MBNL1: variants seen among roughly 807,000 people sequenced by gnomAD.
MBNL1 encodes the protein muscleblind-like protein 1.
In MBNL1, 8 loss-of-function variants were observed where a neutral mutation model predicts 42.2. The ratio of observed to expected loss-of-function variants is 0.19; its 90% CI spans 0.11 to 0.34. MBNL1 has a LOEUF of 0.34. MBNL1 is among the 10% of genes least tolerant of loss of function. The probability of loss-of-function intolerance (pLI) is 1.00; values close to 1 mark genes in which losing one functional copy is unlikely to be tolerated. For synonymous variants in MBNL1, 169 were observed against 173.9 expected (o/e 0.97, Z 0.22); for missense variants, 309 against 495.3 (o/e 0.62, Z 3.57).
chr3:152,423,229 A>G (rs1211732728), intron 3 of MBNL1, among the ~76,000 whole-genome samples: 3 of 152,184 alleles, frequency 2.0e-5, no homozygotes, highest in Non-Finnish European at 2.9e-5. Flanking sequence ...AATAGACACA[A>G]TATAAATGAC....
At chr3:152,340,769 TGAA>T in intron 2 of MBNL1, 1 of 1,614,066 alleles carries the variant, frequency 6.2e-7, no homozygotes, top group South Asian at 1.1e-5. Flanking sequence ...GCTAACTCAC[TGAA>T]GAAGAATCCA....
At chr3:152,280,878 AT>A (rs1465622472) in intron 1 of MBNL1, among the ~76,000 whole-genome samples, 1 of 152,066 alleles carries the variant, frequency 6.6e-6, no homozygotes, top group East Asian at 1.9e-4. Context: ...GCTTATTATT[AT>A]TCATTTTTAT....
chr3:152,254,388 T>A (rs534661906), intron 2 of MBNL1, among the ~76,000 whole-genome samples: 1 of 152,258 alleles, frequency 6.6e-6, no homozygotes, highest in African/African-American at 2.4e-5. Flanking sequence ...GCCTCTGCCC[T>A]TGTCCTGCCT....
chr3:152,351,151 A>G (rs934259994), intron 2 of MBNL1, among the ~76,000 whole-genome samples: 5 of 152,192 alleles, frequency 3.3e-5, no homozygotes, highest in Non-Finnish European at 5.9e-5. Context: ...AGAAGTGGAT[A>G]TATCCAAAGC....
chr3:152,296,924 G>C (rs1323189731), intron 1 of MBNL1, among the ~76,000 whole-genome samples: 4 of 152,138 alleles, frequency 2.6e-5, no homozygotes, highest in Non-Finnish European at 5.9e-5. Flanking sequence ...AAAAACATAT[G>C]GTCTAGTGGG....
Position 152,325,410 on chromosome 3 carries a change from A to G in MBNL1, c.174+25043A>G, listed in dbSNP as rs2079141855. The stretch of plus-strand genomic sequence containing the variant: ...ATGCCTGACACGTAGTAGACTGACT[A>G]GAAGTGTACATTGAATGTTTGCTGG... On this transcript the variant is annotated intron_variant, in intron 2 of 9. Transcript: ENST00000324210. Among the ~76,000 whole-genome samples, 3 of 152,238 alleles carry G rather than the reference A, an allele frequency of 2.0e-5. No individual in the cohort carries two copies. In the South Asian group the frequency reaches 6.2e-4, roughly 32 times the overall value.
Position 152,449,891 on chromosome 3 carries a change from G to A in MBNL1, c.961+2118G>A, listed in dbSNP as rs548217119. On this transcript the variant is annotated intron_variant, in intron 6 of 9. Coordinates refer to ENST00000324210, the MANE Select transcript of MBNL1 (RefSeq NM_021038.5). ...AGGCCGAGGCAGGTGGCTCACTTGA[G>A]GTCAGGAGTTTGAGGCCAGCGTGGC... 2.0e-5 allele frequency among the ~76,000 whole-genome samples: 3 copies of A among 152,154 alleles called. 1 individual carries two copies. In the East Asian group the frequency reaches 5.8e-4, roughly 29 times the overall value.
intron 2 of MBNL1, among the ~76,000 whole-genome samples, chr3:152,261,511 T>C (rs1180892046): frequency 6.6e-6 from 1 of 152,158 alleles, no homozygotes; most frequent in Non-Finnish European, 1.5e-5. Context: ...AAGCAAACGC[T>C]CTTGAGGGAT....
At chr3:152,460,590 T>G (rs1196381050) in intron 9 of MBNL1, among the ~76,000 whole-genome samples, 1 of 149,914 alleles carries the variant, frequency 6.7e-6, no homozygotes, top group East Asian at 2.0e-4. Flanking sequence ...AATGTGCACA[T>G]GTACCCTAAA....
intron 1 of MBNL1, among the ~76,000 whole-genome samples, chr3:152,287,939 AG>A (rs896279918): frequency 6.6e-6 from 1 of 152,216 alleles, no homozygotes; most frequent in African/African-American, 2.4e-5. Flanking sequence ...TTTTCTATTT[AG>A]CAAAGGAACT....
rs59868027 is a variant in MBNL1, at chr3:152,356,856, A to AGTGT, written c.174+56510_174+56513dup. On this transcript the variant is annotated intron_variant, in intron 2 of 9. Transcript: ENST00000324210. ...AGAGGGGATCTGGGCATATGTGTGT[A>AGTGT]GTGTGTGTGTGTGTGTGTGTGTGTT... Among the ~76,000 whole-genome samples, 1,072 of 149,468 alleles carry AGTGT rather than the reference A, an allele frequency of 7.2e-3. 12 individuals carry two copies. Among genetic ancestry groups the AGTGT allele is most frequent in the African/African-American group, 0.022 (883 of 40,504 alleles).
chr3:152,459,389 T>G lies in MBNL1; in HGVS notation c.*18+44T>G. 2.6e-6 allele frequency: 3 copies of G among 1,158,790 alleles called. No individual in the cohort carries two copies. The South Asian group carries it at 5.0e-5, about 19-fold the overall frequency. The allele number at this position is 1,158,790 out of a possible 1,614,324, so 71.8% of individuals were successfully genotyped here. On this transcript the variant is annotated intron_variant, in intron 9 of 9. Coordinates refer to ENST00000324210, the MANE Select transcript of MBNL1 (RefSeq NM_021038.5). ...ATATAGTTGCATATTTGTGGTGGTT[T>G]TTTTTAAGATAGCAATTGTATAGTG...
At chr3:152,455,615 A>G (rs201018731) in intron 7 of MBNL1, 38 bp downstream of exon 7, 17 of 1,590,634 alleles carry the variant, frequency 1.1e-5, no homozygotes, top group Admixed American at 5.0e-5. Flanking sequence ...TCTTAAACCT[A>G]TGGTGTACCT....
intron 3 of MBNL1, among the ~76,000 whole-genome samples, chr3:152,426,790 C>T (rs2098938657): frequency 6.6e-6 from 1 of 152,220 alleles, no homozygotes; most frequent in Non-Finnish European, 1.5e-5. Flanking sequence ...CTGTGCATTA[C>T]ATGAACTTTG....
At chr3:152,383,766 G>A (rs575657816) in intron 2 of MBNL1, among the ~76,000 whole-genome samples, 4 of 152,112 alleles carry the variant, frequency 2.6e-5, no homozygotes, top group East Asian at 3.9e-4. Context: ...AAACTATGTT[G>A]CTGCCATGTT....
At chr3:152,396,260 GTAA>G (rs969683033) in intron 2 of MBNL1, 7 of 234,718 alleles carry the variant, frequency 3.0e-5, no homozygotes, top group South Asian at 5.5e-5. Flanking sequence ...ATATTACAAT[GTAA>G]TAATAATAGA....
At chr3:152,287,442 T>C (rs1353213309) in intron 1 of MBNL1, among the ~76,000 whole-genome samples, 4 of 152,196 alleles carry the variant, frequency 2.6e-5, no homozygotes, top group East Asian at 1.9e-4. Flanking sequence ...GGTAAAGTTA[T>C]AGGGTAGAAA....
At chr3:152,316,683 A>G (rs1430840153) in intron 2 of MBNL1, among the ~76,000 whole-genome samples, 1 of 152,054 alleles carries the variant, frequency 6.6e-6, no homozygotes, top group African/African-American at 2.4e-5. Context: ...ATTAACAACC[A>G]TTCCTTTAAT....
intron 4 of MBNL1, among the ~76,000 whole-genome samples, chr3:152,441,357 T>C (rs1013743946): frequency 6.6e-6 from 1 of 152,174 alleles, no homozygotes; most frequent in Admixed American, 6.5e-5. Flanking sequence ...TATCCAGATT[T>C]GTATGGTGTG....
Sources: allele counts gnomAD v4.1 joint callset (sites outside exome capture counted in the v4.1 genomes callset), GRCh38; gene constraint gnomAD v4.1.1; transcripts MANE v1.5; gene names NCBI Gene and HGNC (gene_info 2026-07-23, HGNC 2026-07-21).